The following EPPIN variants were observed in gnomAD, a reference collection of about 807,000 sequenced individuals.
The protein encoded by EPPIN is WAP four-disulfide core domain protein 7.
In EPPIN, 14 loss-of-function variants were observed where a neutral mutation model predicts 18.8. The ratio of observed to expected loss-of-function variants is 0.75; its 90% CI spans 0.49 to 1.17. The LOEUF is 1.17. Ranked by LOEUF, EPPIN falls within the 50% of genes most tolerant of loss-of-function variation. EPPIN has a pLI of 0.00. For missense variants in EPPIN, 143 were observed against 154.2 expected (o/e 0.93, Z 0.39); for synonymous variants, 57 against 54.8 (o/e 1.04, Z -0.18).
chr20:45,547,270 G>A lies in EPPIN; in HGVS notation c.88C>T (p.Pro30Ser). 1.9e-6 allele frequency: 3 copies of A among 1,613,848 alleles called. No individual in the cohort carries two copies. Among genetic ancestry groups the A allele is most frequent in the Non-Finnish European group, 2.5e-6 (3 of 1,179,850 alleles). ...QGPGLTDWLF[P>S]RRCPKIREEC... ...AAGGGCTGAGGCCAATACTTACTGG[G>A]AAATAACCAATCAGTCAGACCAGGT... Residue 30 changes from proline to serine, a missense_variant, in exon 1 of 4, where the codon CCC becomes TCC. Physicochemically the swap from Pro to Ser is moderately conservative, Grantham distance 74. Coordinates refer to ENST00000354280, the MANE Select transcript of EPPIN (RefSeq NM_020398.4).
rs1000113555 is a variant in EPPIN, at chr20:45,542,069, C to T, written c.*75G>A. 4 of 1,580,738 alleles carry T rather than the reference C, an allele frequency of 2.5e-6. No individual in the cohort carries two copies. The African/African-American group carries it at 5.4e-5, about 21-fold the overall frequency. On this transcript the variant is annotated 3_prime_UTR_variant, in exon 4 of 4. Coordinates refer to ENST00000354280, the MANE Select transcript of EPPIN (RefSeq NM_020398.4). ...AGTGAAACTGGAAGCCAGTCTGGAG[C>T]ATCCGTCAGGTACAGGAACAGTACT...
Position 45,542,884 on chromosome 20 carries a change from G to A in EPPIN, c.224-17C>T, listed in dbSNP as rs1979663284. On this transcript the variant is annotated splice_polypyrimidine_tract_variant and intron_variant, in intron 2 of 3. Transcript: ENST00000354280. ...CGCATACATCTGCAGAGAGACTCCA[G>A]AGTTGAAAACTCAGTGTGCCCACTC... The A allele has an allele frequency of 1.2e-6, 2 of 1,601,238 alleles. No homozygotes were observed. Among genetic ancestry groups the A allele is most frequent in the African/African-American group, 2.7e-5 (2 of 74,042 alleles).
At chr20:45,544,867 T>C (rs1486655840) in intron 2 of EPPIN, 1 of 152,186 alleles carries the variant, frequency 6.6e-6, no homozygotes, top group African/African-American at 2.4e-5. Context: ...CCTTGTACCA[T>C]GCTCGTGCTC....
chr20:45,545,204 G>C (rs1188868504), intron 2 of EPPIN: 1 of 178,194 alleles, frequency 5.6e-6, no homozygotes, highest in Non-Finnish European at 1.2e-5. Flanking sequence ...GAGCAGTCAG[G>C]AGAGGCGTTT....
At position 45,542,168 on chromosome 20, in the gene EPPIN, A is replaced by G; in HGVS notation, c.392-14T>C. 6.2e-7 allele frequency: 1 copy of G among 1,613,532 alleles called. No homozygotes were observed. The highest frequency in any genetic ancestry group is 8.5e-7 in the Non-Finnish European group (1 of 1,179,720). The stretch of plus-strand genomic sequence containing the variant: ...ATCAGGGAAAGCCTGCAGAGAACGT[A>G]GGACAGAAACAGCTGAGCATCTTGG... On this transcript the variant is annotated splice_polypyrimidine_tract_variant and intron_variant, in intron 3 of 3. Transcript: ENST00000354280.
Position 45,545,696 on chromosome 20 carries a change from C to T in EPPIN, c.166G>A (p.Asp56Asn), listed in dbSNP as rs1405827342. 1.2e-6 allele frequency: 2 copies of T among 1,614,064 alleles called. No homozygotes were observed. Among genetic ancestry groups the T allele is most frequent in the Non-Finnish European group, 8.5e-7 (1 of 1,179,956 alleles). Residue 56 changes from aspartate to asparagine, a missense_variant, in exon 2 of 4, where the codon GAC becomes AAC. Transcript: ENST00000354280. Reference sequence around the variant, plus strand: ...CTGAAGACACAACACTTCTTGTTGTCCTGGCATTGTCTGTCCTTTGTACAC... The same window carrying T: ...CTGAAGACACAACACTTCTTGTTGTTCTGGCATTGTCTGTCCTTTGTACAC... ...DVCTKDRQCQDNKKCCVFSCG... is the reference protein window; with the variant it reads ...DVCTKDRQCQNNKKCCVFSCG...
In EPPIN at chr20:45,547,342, G is replaced by T. The variant is rs1979880669; in HGVS notation, c.16C>A (p.Leu6Ile). 1 of 1,613,918 alleles carries T rather than the reference G, an allele frequency of 6.2e-7. No homozygotes were observed. Among genetic ancestry groups the T allele is most frequent in the African/African-American group, 1.3e-5 (1 of 75,052 alleles). Residue 6 changes from leucine to isoleucine, a missense_variant, in exon 1 of 4, where the codon CTT (leucine) becomes ATT (isoleucine). By Grantham distance (5) the Leu-to-Ile change is conservative. Coordinates refer to ENST00000354280, the MANE Select transcript of EPPIN (RefSeq NM_020398.4). ...ACGAATAGCACCAGGAGGCTCAAAA[G>T]TCCAGAAGATCCCATGTTGAAGAGA... is the stretch of plus-strand genomic sequence containing the variant. MGSSG[L>I]LSLLVLFVLL...
In EPPIN at chr20:45,540,730, C is replaced by T. The variant is rs1447327366; in HGVS notation, c.*1414G>A. ...TCAAAACCACAATGAGATACCATCTCATGCCAGTCAGAATGGTGATTATTA... is the reference window on the plus strand; with the variant it reads ...TCAAAACCACAATGAGATACCATCTTATGCCAGTCAGAATGGTGATTATTA... On this transcript the variant is annotated 3_prime_UTR_variant, in exon 4 of 4. Coordinates refer to ENST00000354280, the MANE Select transcript of EPPIN (RefSeq NM_020398.4). The T allele has an allele frequency of 6.6e-6, 1 of 152,210 alleles. No individual in the cohort carries two copies. Among genetic ancestry groups the T allele is most frequent in the African/African-American group, 2.4e-5 (1 of 41,442 alleles). 9.4% of individuals were successfully genotyped at this position (152,210 alleles called of 1,614,324 possible).
chr20:45,547,241 G>C, intron 1 of EPPIN, 26 bp downstream of exon 1: 1 of 1,613,468 alleles, frequency 6.2e-7, no homozygotes, highest in South Asian at 1.1e-5. Context: ...CCTCTCTCTA[G>C]GGTAAGGGCT....
rs1211469667 is a variant in EPPIN at position 45,540,660 on chromosome 20, A to C, written c.*1484T>G. ...GAAGACATTTATGCGGCCAACAAAC[A>C]TATGAAAAAAAGCTCAACACCAGTG... On this transcript the variant is annotated 3_prime_UTR_variant, in exon 4 of 4. Transcript: ENST00000354280. The C allele has an allele frequency of 6.6e-6, 1 of 152,224 alleles. No homozygotes were observed. The allele number at this position is 152,224 out of a possible 1,614,324, so 9.4% of individuals were successfully genotyped here.
rs2145547439 is a variant in EPPIN at position 45,540,941 on chromosome 20, T to G, written c.*1203A>C. On this transcript the variant is annotated 3_prime_UTR_variant, in exon 4 of 4. Coordinates refer to ENST00000354280, the MANE Select transcript of EPPIN (RefSeq NM_020398.4). The stretch of plus-strand genomic sequence containing the variant: ...GGGTATACACTCAAAGGAATATAAA[T>G]CATTCTTTTATAAAGATACATGCAT... The G allele has an allele frequency of 6.6e-6, 1 of 152,310 alleles. No homozygotes were observed. The highest frequency in any genetic ancestry group is 2.1e-4 in the South Asian group (1 of 4,828). 9.4% of individuals were successfully genotyped at this position (152,310 alleles called of 1,614,324 possible). A position where few individuals can be genotyped will look rare whatever the true frequency, so the allele number is the denominator to read the frequency against.
At chr20:45,543,835 ACATGCTCCAG>A (rs1033432004) in intron 2 of EPPIN, 2 of 152,910 alleles carry the variant, frequency 1.3e-5, no homozygotes, top group African/African-American at 4.8e-5. Flanking sequence ...CCTTTGAGCC[ACATGCTCCAG>A]CAGTACTCAA....
rs555483057 is a variant in EPPIN at position 45,543,837 on chromosome 20, A to G, written c.224-970T>C. On this transcript the variant is annotated intron_variant, in intron 2 of 3. Transcript: ENST00000354280. ...CTGCCGCAGAACCCCTTTGAGCCAC[A>G]TGCTCCAGCAGTACTCAACACACCG... is the stretch of plus-strand genomic sequence containing the variant. The G allele has an allele frequency of 8.5e-5, 13 of 152,868 alleles. No homozygotes were observed. In the East Asian group the frequency reaches 1.9e-3, roughly 23 times the overall value. 9.5% of individuals were successfully genotyped at this position (152,868 alleles called of 1,614,324 possible). A position where few individuals can be genotyped will look rare whatever the true frequency, so the allele number is the denominator to read the frequency against.
intron 1 of EPPIN, 171 bp from the exon 2 acceptor site, chr20:45,545,941 C>A: frequency 1.1e-6 from 1 of 931,360 alleles, no homozygotes; most frequent in Non-Finnish European, 1.6e-6. Flanking sequence ...GCCTACACCC[C>A]CACCACTCCC....
At chr20:45,542,962 G>A in intron 2 of EPPIN, 95 bp from the exon 3 acceptor site, 1 of 1,496,066 alleles carries the variant, frequency 6.7e-7, no homozygotes, top group Non-Finnish European at 8.9e-7. Context: ...AGAAGAAACT[G>A]GAGTAGGCTC....
chr20:45,542,593 G>A, intron 3 of EPPIN, 107 bp downstream of exon 3: 2 of 1,486,926 alleles, frequency 1.3e-6, no homozygotes, highest in Non-Finnish European at 1.8e-6. Context: ...GGTTCTGTCA[G>A]CACCAGGTCT....
At chr20:45,545,960 TCTC>T in intron 1 of EPPIN, 190 bp from the exon 2 acceptor site, 1 of 761,074 alleles carries the variant, frequency 1.3e-6, no homozygotes, top group South Asian at 2.0e-5. Flanking sequence ...CCCAGTGACC[TCTC>T]CTCCCTCTAT....
At chr20:45,545,394 G>T in intron 2 of EPPIN, 1 of 548,368 alleles carries the variant, frequency 1.8e-6, no homozygotes, top group Non-Finnish European at 3.0e-6. Flanking sequence ...CTGATTCAAT[G>T]CCACTGATTC....
At chr20:45,547,206 C>T (rs952418029) in intron 1 of EPPIN, 61 bp downstream of exon 1, 98 of 1,610,376 alleles carry the variant, frequency 6.1e-5, no homozygotes, top group Middle Eastern at 1.7e-4. Flanking sequence ...GAGTTCTTCC[C>T]TGTTCCTTCC....
Sources: allele counts gnomAD v4.1 joint callset, GRCh38; gene constraint gnomAD v4.1.1; transcripts MANE v1.5; gene names NCBI Gene and HGNC (gene_info 2026-07-23, HGNC 2026-07-21).